Variants in SLITRK1 observed in about 807,000 individuals in gnomAD.
SLITRK1 encodes the protein SLIT and NTRK-like protein 1.
A neutral mutation model predicts 42.4 loss-of-function variants in SLITRK1; 10 were observed. That is an observed-to-expected ratio of 0.24 (90% CI 0.15 to 0.40). SLITRK1 has a LOEUF of 0.40. Ranked by LOEUF, SLITRK1 falls within the 10% of genes least tolerant of loss-of-function variation. SLITRK1 has a pLI of 1.00. For synonymous variants in SLITRK1, 389 were observed against 365.7 expected, an observed-to-expected ratio of 1.06 and a Z score of -0.73; for missense variants, 778 against 848.8, an observed-to-expected ratio of 0.92 and a Z score of 1.04.
Position 83,880,102 on chromosome 13 carries a change from G to A in SLITRK1, c.1406C>T (p.Ala469Val), listed in dbSNP as rs1884778499. 7 of 1,613,834 alleles carry A rather than the reference G, an allele frequency of 4.3e-6. No individual in the cohort carries two copies. The highest frequency in any genetic ancestry group is 1.1e-5 in the South Asian group (1 of 91,068). ...IQLILPGTFN[A>V]MPKLRILILN... Reference sequence around the variant, plus strand: ...AATGAGGATCCTCAGTTTGGGCATGGCATTGAAAGTGCCCGGGAGGATGAG... The same window carrying A: ...AATGAGGATCCTCAGTTTGGGCATGACATTGAAAGTGCCCGGGAGGATGAG... Residue 469 changes from alanine (A) to valine (V), a missense_variant, in exon 2 of 2, where the codon GCC (alanine) becomes GTC (valine). Transcript: ENST00000674365.
rs969441353 is a variant in SLITRK1 at position 83,879,711 on chromosome 13, C to G, written c.1797G>C (p.Leu599Phe). The change falls in exon 2 of 2, where the codon TTG becomes TTC. Residue 599 changes from leucine to phenylalanine, a missense_variant. Physicochemically the swap from Leu to Phe is conservative, Grantham distance 22. Around this residue, in one of 4 missense-constraint regions of SLITRK1, gnomAD observed 164 missense variants for 158.2 expected, o/e 1.04. Transcript: ENST00000674365. ...LTSHSKNSTGLAETGTHSNSY... is the reference protein window; with the variant it reads ...LTSHSKNSTGFAETGTHSNSY... The stretch of plus-strand genomic sequence containing the variant: ...AGTTGGAGTGCGTCCCGGTCTCCGC[C>G]AACCCAGTGCTGTTTTTACTGTGCG... The G allele has an allele frequency of 6.2e-7, 1 of 1,613,954 alleles. No individual in the cohort carries two copies. Among genetic ancestry groups the G allele is most frequent in the Non-Finnish European group, 8.5e-7 (1 of 1,179,994 alleles).
Position 83,879,321 on chromosome 13 carries a change from G to T in SLITRK1, c.*96C>A. 1 of 1,495,252 alleles carries T rather than the reference G, an allele frequency of 6.7e-7. No homozygotes were observed. Among genetic ancestry groups the T allele is most frequent in the Non-Finnish European group, 9.2e-7 (1 of 1,092,870 alleles). The allele number at this position is 1,495,252 out of a possible 1,614,324, so 92.6% of individuals were successfully genotyped here. A position where few individuals can be genotyped will look rare whatever the true frequency, so the allele number is the denominator to read the frequency against. ...TTATGCCCATCCAGGCTGATGGCGC[G>T]GGGATTTGGGTACACGCCCCTCCAG... On this transcript the variant is annotated 3_prime_UTR_variant, in exon 2 of 2. Transcript: ENST00000674365.
Position 83,879,333 on chromosome 13 carries a change from A to C in SLITRK1, c.*84T>G. The C allele has an allele frequency of 3.2e-6, 5 of 1,555,066 alleles. No homozygotes were observed. The highest frequency in any genetic ancestry group is 4.4e-6 in the Non-Finnish European group (5 of 1,142,802). On this transcript the variant is annotated 3_prime_UTR_variant, in exon 2 of 2. Transcript: ENST00000674365. ...AGGCTGATGGCGCGGGGATTTGGGT[A>C]CACGCCCCTCCAGCCCCCGGGGTGC...
Position 83,880,673 on chromosome 13 carries a change from C to T in SLITRK1, c.835G>A (p.Glu279Lys). The T allele has an allele frequency of 6.2e-7, 1 of 1,614,106 alleles. No individual in the cohort carries two copies. The highest frequency in any genetic ancestry group is 8.5e-7 in the Non-Finnish European group (1 of 1,180,026). The change falls in exon 2 of 2, where the codon GAG becomes AAG. Residue 279 changes from glutamate to lysine, a missense_variant. By Grantham distance (56) the Glu-to-Lys change is moderately conservative (BLOSUM62 1). Transcript: ENST00000674365. ...SSLPAPPAQE[E>K]TFAPGPLPTP... is the part of the protein sequence containing the mutation. ...GGCAGGGGTCCAGGAGCAAAGGTCT[C>T]TTCTTGGGCAGGGGGCGCCGGGAGA... is the stretch of plus-strand genomic sequence containing the variant.
In SLITRK1 at chr13:83,879,329, G is replaced by T; in HGVS notation, c.*88C>A. On this transcript the variant is annotated 3_prime_UTR_variant, in exon 2 of 2. Coordinates refer to ENST00000674365, the MANE Select transcript of SLITRK1 (RefSeq NM_001281503.2). ...ATCCAGGCTGATGGCGCGGGGATTT[G>T]GGTACACGCCCCTCCAGCCCCCGGG... is the stretch of plus-strand genomic sequence containing the variant. 1 of 1,533,590 alleles carries T rather than the reference G, an allele frequency of 6.5e-7. No homozygotes were observed. The highest frequency in any genetic ancestry group is 2.3e-5 in the East Asian group (1 of 44,088). The allele number at this position is 1,533,590 out of a possible 1,614,324, so 95.0% of individuals were successfully genotyped here. A position where few individuals can be genotyped will look rare whatever the true frequency, so the allele number is the denominator to read the frequency against.
Position 83,880,652 on chromosome 13 carries a change from G to C in SLITRK1, c.856C>G (p.Leu286Val). The C allele has an allele frequency of 6.2e-7, 1 of 1,614,166 alleles. No homozygotes were observed. Among genetic ancestry groups the C allele is most frequent in the Non-Finnish European group, 8.5e-7 (1 of 1,180,044 alleles). The change falls in exon 2 of 2, where the codon CTG becomes GTG. Residue 286 changes from leucine to valine, a missense_variant. Around this residue, in one of 4 missense-constraint regions of SLITRK1, gnomAD observed 395 missense variants for 360.4 expected, o/e 1.10. Transcript: ENST00000674365. ...AQEETFAPGP[L>V]PTPFKTNGQE... is the part of the protein sequence containing the mutation. ...CCATTTGTCTTGAAAGGAGTTGGCA[G>C]GGGTCCAGGAGCAAAGGTCTCTTCT...
At position 83,879,403 on chromosome 13, in the gene SLITRK1, T is replaced by C. The variant is rs758981710; in HGVS notation, c.*14A>G. 5.0e-6 allele frequency: 8 copies of C among 1,611,748 alleles called. No individual in the cohort carries two copies. In the Admixed American group the frequency reaches 5.0e-5, roughly 10 times the overall value. ...ATCGCCTTCCCTCTGCCCTCCCCTA[T>C]TGGGGTTGGGGTCTTAGTCTGAGAG... On this transcript the variant is annotated 3_prime_UTR_variant, in exon 2 of 2. Transcript: ENST00000674365.
Position 83,881,646 on chromosome 13 carries a change from G to A in SLITRK1, c.-53-86C>T. ...GAGAAGAAAAGGGTTTGGGGGGGTG[G>A]GGGTGGATTCCTTCCTCCCTAACCC... On this transcript the variant is annotated intron_variant, in intron 1 of 1. Coordinates refer to ENST00000674365, the MANE Select transcript of SLITRK1 (RefSeq NM_001281503.2). The A allele has an allele frequency of 2.2e-6, 2 of 922,616 alleles. 1 individual carries two copies. The allele number at this position is 922,616 out of a possible 1,614,324, so 57.2% of individuals were successfully genotyped here. A position where few individuals can be genotyped will look rare whatever the true frequency, so the allele number is the denominator to read the frequency against.
Position 83,880,359 on chromosome 13 carries a change from T to A in SLITRK1, c.1149A>T (p.Arg383=). 6.2e-7 allele frequency: 1 copy of A among 1,613,944 alleles called. No homozygotes were observed. The highest frequency in any genetic ancestry group is 8.5e-7 in the Non-Finnish European group (1 of 1,180,024). ...TTCGGATGCTGTGGATCTTGTTATC[T>A]CGTAGGAAAAGCTCCTGCACGTTAG... ...KLSNVQELFL[R]DNKIHSIRKS... The change falls in exon 2 of 2, where the codon CGA becomes CGT. Residue 383 remains arginine (R), a synonymous_variant. Coordinates refer to ENST00000674365, the MANE Select transcript of SLITRK1 (RefSeq NM_001281503.2).
Position 83,881,313 on chromosome 13 carries a change from C to T in SLITRK1, c.195G>A (p.Leu65=), listed in dbSNP as rs368351965. 353 of 1,614,106 alleles carry T rather than the reference C, an allele frequency of 2.2e-4. 1 individual carries two copies. The highest frequency in any genetic ancestry group is 6.6e-4 in the Middle Eastern group (4 of 6,062). ...APTSQFYHLF[L]HGNSLTRLFP... Reference sequence around the variant, plus strand: ...AAAGTCGAGTGAGGGAATTGCCATGCAGAAATAAATGGTAAAACTGGGAAG... The same window carrying T: ...AAAGTCGAGTGAGGGAATTGCCATGTAGAAATAAATGGTAAAACTGGGAAG... Residue 65 remains leucine, a synonymous_variant, in exon 2 of 2, where the codon CTG becomes CTA. Transcript: ENST00000674365.
chr13:83,879,659 T>G lies in SLITRK1; in HGVS notation c.1849A>C (p.Ile617Leu), dbSNP rs370900767. Residue 617 changes from isoleucine (I) to leucine (L), a missense_variant, in exon 2 of 2, where the codon ATC becomes CTC. Around this residue, in one of 4 missense-constraint regions of SLITRK1, gnomAD observed 164 missense variants for 158.2 expected, o/e 1.04. Coordinates refer to ENST00000674365, the MANE Select transcript of SLITRK1 (RefSeq NM_001281503.2). Reference protein sequence around the residue: ...NSYLDTSRVSISVLVPGLLLV... With the variant: ...NSYLDTSRVSLSVLVPGLLLV... ...AGCAGTCCCGGGACCAACACCGAGA[T>G]GGACACCCTGCTGGTGTCTAGGTAG... is the stretch of plus-strand genomic sequence containing the variant. The G allele has an allele frequency of 9.3e-6, 15 of 1,613,444 alleles. No homozygotes were observed. The highest frequency in any genetic ancestry group is 1.2e-5 in the Non-Finnish European group (14 of 1,179,868).
At position 83,880,915 on chromosome 13, in the gene SLITRK1, A is replaced by T. The variant is rs1202098352; in HGVS notation, c.593T>A (p.Leu198Ter). 1 of 1,614,058 alleles carries T rather than the reference A, an allele frequency of 6.2e-7. No individual in the cohort carries two copies. ...CTCCGCAATACCAGGGATTTGCTCC[A>T]AGACCTCCTCATAGGGCAGCGTTTT... ...RLKTLPYEEVLEQIPGIAEIL... is the reference protein window; with the variant it reads ...RLKTLPYEEV Residue 198 changes from leucine to a stop codon, truncating the protein, a stop_gained, in exon 2 of 2, where the codon TTG becomes TAG. Transcript: ENST00000674365. LOFTEE classifies it high-confidence loss of function.
rs1463032851 is a variant in SLITRK1 at position 83,878,689 on chromosome 13, CA to C, written c.*727del. 4 of 152,648 alleles carry C rather than the reference CA, an allele frequency of 2.6e-5. No individual in the cohort carries two copies. The highest frequency in any genetic ancestry group is 5.9e-5 in the Non-Finnish European group (4 of 68,066). 9.5% of individuals were successfully genotyped at this position (152,648 alleles called of 1,614,324 possible). ...GCAAATGTCCTAAATAAAACCTTTA[CA>C]TTTTTTTCACAGTTAACTTATGCTC... On this transcript the variant is annotated 3_prime_UTR_variant, in exon 2 of 2. Coordinates refer to ENST00000674365, the MANE Select transcript of SLITRK1 (RefSeq NM_001281503.2).
rs1465307527 is a variant in SLITRK1 at position 83,878,447 on chromosome 13, T to TACA, written c.*969_*970insTGT. 2.0e-5 allele frequency: 3 copies of TACA among 152,556 alleles called. No homozygotes were observed. Among genetic ancestry groups the TACA allele is most frequent in the Non-Finnish European group, 2.9e-5 (2 of 68,032 alleles). The allele number at this position is 152,556 out of a possible 1,614,324, so 9.5% of individuals were successfully genotyped here. The stretch of plus-strand genomic sequence containing the variant: ...TGCTTAACTGCCTCAAAATCATTTT[T>TACA]TAAATAATTACACTGATACTATAAT... On this transcript the variant is annotated 3_prime_UTR_variant, in exon 2 of 2. Transcript: ENST00000674365.
At position 83,877,833 on chromosome 13, in the gene SLITRK1, C is replaced by T. The variant is rs1884722110; in HGVS notation, c.*1584G>A. ...GAAATCTCCACTCTGTTTAATGAGA[C>T]CTATCTAGGCAGAGTCAATTAAATC... On this transcript the variant is annotated 3_prime_UTR_variant, in exon 2 of 2. Transcript: ENST00000674365. 1.3e-5 allele frequency: 2 copies of T among 152,430 alleles called. No homozygotes were observed. The highest frequency in any genetic ancestry group is 6.6e-5 in the Admixed American group (1 of 15,266). The allele number at this position is 152,430 out of a possible 1,614,324, so 9.4% of individuals were successfully genotyped here. A position where few individuals can be genotyped will look rare whatever the true frequency, so the allele number is the denominator to read the frequency against.
At chr13:83,881,633 G>GT in intron 1 of SLITRK1, 73 bp from the exon 2 acceptor site, 1 of 453,380 alleles carries the variant, frequency 2.2e-6, no homozygotes, top group South Asian at 1.6e-5. Context: ...GAAGAAAAGG[G>GT]TTTGGGGGGG....
rs1372346303 is a variant in SLITRK1 at position 83,879,679 on chromosome 13, A to G, written c.1829T>C (p.Leu610Pro). The change falls in exon 2 of 2, where the codon CTA becomes CCA. Residue 610 changes from leucine to proline, a missense_variant. Leu to Pro is a moderately conservative substitution (Grantham distance 98). Coordinates refer to ENST00000674365, the MANE Select transcript of SLITRK1 (RefSeq NM_001281503.2). ...CGAGATGGACACCCTGCTGGTGTCTAGGTAGGAGTTGGAGTGCGTCCCGGT... is the reference window on the plus strand; with the variant it reads ...CGAGATGGACACCCTGCTGGTGTCTGGGTAGGAGTTGGAGTGCGTCCCGGT... ...AETGTHSNSY[L>P]DTSRVSISVL... 1.9e-6 allele frequency: 3 copies of G among 1,613,916 alleles called. No homozygotes were observed. The South Asian group carries it at 3.3e-5, about 18-fold the overall frequency.
At position 83,880,244 on chromosome 13, in the gene SLITRK1, G is replaced by C. The variant is rs1270893720; in HGVS notation, c.1264C>G (p.Leu422Val). The change falls in exon 2 of 2, where the codon CTT becomes GTT. Residue 422 changes from leucine (L) to valine (V), a missense_variant. Leu to Val is a conservative substitution (Grantham distance 32). Coordinates refer to ENST00000674365, the MANE Select transcript of SLITRK1 (RefSeq NM_001281503.2). ...ATVENNTFKNLLDLRWLYMDS... is the reference protein window; with the variant it reads ...ATVENNTFKNVLDLRWLYMDS... ...ATGTATAGCCACCTGAGGTCCAAAA[G>C]GTTCTTGAAAGTGTTGTTCTCTACA... The C allele has an allele frequency of 6.2e-6, 10 of 1,613,894 alleles. No individual in the cohort carries two copies. Among genetic ancestry groups the C allele is most frequent in the East Asian group, 2.2e-5 (1 of 44,856 alleles).
rs886050333 is a variant in SLITRK1 at position 83,879,539 on chromosome 13, A to G, written c.1969T>C (p.Ser657Pro). ...KRSKRRDANS[S>P]ASEINSLQTV... Reference sequence around the variant, plus strand: ...TGTAGGGAATTAATCTCGGACGCGGAGGAGTTGGCATCTCGTCTCTTGGAC... The same window carrying G: ...TGTAGGGAATTAATCTCGGACGCGGGGGAGTTGGCATCTCGTCTCTTGGAC... The change falls in exon 2 of 2, where the codon TCC becomes CCC. Residue 657 changes from serine (S) to proline (P), a missense_variant. Ser to Pro is a moderately conservative substitution (Grantham distance 74). This residue lies in a region of SLITRK1 where 164 missense variants were observed against 158.2 expected (regional missense o/e 1.04). Coordinates refer to ENST00000674365, the MANE Select transcript of SLITRK1 (RefSeq NM_001281503.2). 7 of 1,613,978 alleles carry G rather than the reference A, an allele frequency of 4.3e-6. No homozygotes were observed. Among genetic ancestry groups the G allele is most frequent in the Non-Finnish European group, 5.9e-6 (7 of 1,180,006 alleles).
Sources: gnomAD v4.1 joint callset for allele counts on GRCh38, gnomAD v4.1.1 for gene constraint, gnomAD v4.1.1 regional missense constraint, MANE v1.5 for transcripts, NCBI Gene and HGNC (gene_info 2026-07-23, HGNC 2026-07-21) for gene names.